ADCY1: variants seen among roughly 807,000 people sequenced by gnomAD.
ADCY1 encodes adenylate cyclase type 1.
In ADCY1, 28 loss-of-function variants were observed where a neutral mutation model predicts 105.4. The ratio of observed to expected loss-of-function variants is 0.27; its 90% confidence interval spans 0.20 to 0.36. The LOEUF (loss-of-function observed/expected upper bound fraction) is 0.36. Ranked by LOEUF, ADCY1 falls within the 10% of genes least tolerant of loss-of-function variation. ADCY1 has a pLI of 1.00. For synonymous variants in ADCY1, 655 were observed against 623.8 expected, an observed-to-expected ratio of 1.05 and a Z score of -0.75; for missense variants, 977 against 1,434.2, an observed-to-expected ratio of 0.68 and a Z score of 5.15.
At chr7:45,692,417 A>G (rs1784801430) in intron 14 of ADCY1, among the ~76,000 whole-genome samples, 1 of 152,142 alleles carries the variant, frequency 6.6e-6, no homozygotes, top group Non-Finnish European at 1.5e-5. Flanking sequence ...AGCCACAGAA[A>G]ATTTCAGTAC....
At chr7:45,678,539 A>G (rs1477636207) in intron 10 of ADCY1, among the ~76,000 whole-genome samples, 2 of 152,002 alleles carry the variant, frequency 1.3e-5, no homozygotes, top group Non-Finnish European at 2.9e-5. Flanking sequence ...CTAAGACACA[A>G]TATATTTTCA....
In ADCY1 at chr7:45,722,649, C is replaced by T. The variant is rs1489241924; in HGVS notation, c.*8654C>T. On this transcript the variant is annotated 3_prime_UTR_variant, in exon 20 of 20. Transcript: ENST00000297323. ...CCCAAAGCCCACTTTTGGATTTTCT[C>T]GACTGTCCGAGAAAAGTTGTGTAAG... 2 of 152,230 alleles carry T rather than the reference C, an allele frequency of 1.3e-5. No individual in the cohort carries two copies. Among genetic ancestry groups the T allele is most frequent in the Non-Finnish European group, 2.9e-5 (2 of 68,032 alleles). The allele number at this position is 152,230 out of a possible 1,614,324, so 9.4% of individuals were successfully genotyped here.
intron 8 of ADCY1, among the ~76,000 whole-genome samples, chr7:45,672,889 C>T (rs1322862894): frequency 6.6e-6 from 1 of 152,100 alleles, no homozygotes; most frequent in African/African-American, 2.4e-5. Flanking sequence ...TTATCCAGAG[C>T]ATAGAAGGAA....
chr7:45,606,709 A>G (rs2115844020), intron 2 of ADCY1, among the ~76,000 whole-genome samples: 1 of 152,350 alleles, frequency 6.6e-6, no homozygotes, highest in Non-Finnish European at 1.5e-5. Flanking sequence ...CACAATTGTC[A>G]CTGAAAATCT....
intron 14 of ADCY1, among the ~76,000 whole-genome samples, chr7:45,687,951 C>T (rs1366882741): frequency 2.0e-5 from 3 of 152,232 alleles, no homozygotes; most frequent in Non-Finnish European, 2.9e-5. Context: ...CAGACAGGCA[C>T]AGCCCAGAGG....
chr7:45,686,545 AG>A lies in ADCY1; in HGVS notation c.2330del. 6.2e-7 allele frequency: 1 copy of A among 1,608,954 alleles called. No homozygotes were observed. ...TGGCTTTTCTTCCTCATCTTCCCCC[AG>A]GGGTGGTGCCGTCTCCGGGCGCAGC... On this transcript the variant is annotated splice_acceptor_variant, in intron 13 of 19. Transcript: ENST00000297323. LOFTEE classifies it high-confidence loss of function. This position sits in a 1 kb window ranked among gnomAD's most constrained non-coding sequence, Gnocchi z 4.3.
intron 1 of ADCY1, among the ~76,000 whole-genome samples, chr7:45,585,453 T>G (rs960782316): frequency 1.2e-4 from 18 of 150,688 alleles, no homozygotes; most frequent in Admixed American, 1.1e-3. Flanking sequence ...TTTTTTTTTT[T>G]TTTTTTTGAG....
chr7:45,673,546 A>G lies in ADCY1; in HGVS notation c.1606-4323A>G, dbSNP rs533012060. Among the ~76,000 whole-genome samples the G allele has an allele frequency of 2.0e-5, 3 of 152,198 alleles. No individual in the cohort carries two copies. The South Asian group carries it at 6.2e-4, about 32-fold the overall frequency. Reference sequence around the variant, plus strand: ...ATAGTTCATTTGATCTAAGTTGTCAAATTTATGTGTGTAGAGTTGTTTATA... The same window carrying G: ...ATAGTTCATTTGATCTAAGTTGTCAGATTTATGTGTGTAGAGTTGTTTATA... On this transcript the variant is annotated intron_variant, in intron 8 of 19. Transcript: ENST00000297323.
At position 45,605,022 on chromosome 7, in the gene ADCY1, C is replaced by T. The variant is rs77761096; in HGVS notation, c.790-5357C>T. On this transcript the variant is annotated intron_variant, in intron 2 of 19. Coordinates refer to ENST00000297323, the MANE Select transcript of ADCY1 (RefSeq NM_021116.4). ...TTAATCAGTCTTTTATGGTTTTTAA[C>T]ATACAAATCCTATACATGTTTTGTT... Among the ~76,000 whole-genome samples, 147 of 152,254 alleles carry T rather than the reference C, an allele frequency of 9.7e-4. 1 individual carries two copies. In the East Asian group the frequency reaches 0.026, roughly 27 times the overall value.
At chr7:45,582,082 A>C (rs1792565980) in intron 1 of ADCY1, among the ~76,000 whole-genome samples, 1 of 152,056 alleles carries the variant, frequency 6.6e-6, no homozygotes. Context: ...ACTCACAAAT[A>C]CATGCATGCT....
At chr7:45,622,798 C>A in intron 4 of ADCY1, 55 bp downstream of exon 4, 2 of 1,406,998 alleles carry the variant, frequency 1.4e-6, no homozygotes, top group East Asian at 2.4e-5. Flanking sequence ...TCTGGAGTGA[C>A]GATAAGCCAG....
chr7:45,580,368 C>T (rs1036700642), intron 1 of ADCY1, among the ~76,000 whole-genome samples: 2 of 152,206 alleles, frequency 1.3e-5, no homozygotes, highest in Non-Finnish European at 2.9e-5. Flanking sequence ...TGGGAGCAGA[C>T]ACAGGGGTGG....
intron 2 of ADCY1, among the ~76,000 whole-genome samples, chr7:45,605,978 G>A (rs1357522614): frequency 6.6e-6 from 1 of 152,166 alleles, no homozygotes; most frequent in African/African-American, 2.4e-5. Context: ...ACATGACTCT[G>A]GTTGGGAAAG....
At chr7:45,633,418 T>C (rs1430256251) in intron 4 of ADCY1, among the ~76,000 whole-genome samples, 1 of 152,200 alleles carries the variant, frequency 6.6e-6, no homozygotes, top group Non-Finnish European at 1.5e-5. Flanking sequence ...CCTAGAAATA[T>C]TGAAAACATT....
chr7:45,693,245 A>T (rs1419130378), intron 14 of ADCY1, among the ~76,000 whole-genome samples: 4 of 151,162 alleles, frequency 2.6e-5, no homozygotes, highest in Admixed American at 6.6e-5. Context: ...CCAGTATTTT[A>T]TTGAGGATTT....
chr7:45,593,543 C>T (rs1000071551), intron 2 of ADCY1, among the ~76,000 whole-genome samples: 3 of 152,162 alleles, frequency 2.0e-5, no homozygotes, highest in Non-Finnish European at 4.4e-5. Flanking sequence ...CTGTCTGCTG[C>T]GCGGGGCCTG....
In ADCY1 at chr7:45,704,426, A is replaced by G. The variant is rs538316465; in HGVS notation, c.2719-92A>G. ...ACATGTTGCTTTCCTGAATGTGTCCATCGGCTCTGCTGTTGCTCCTGGGGG... is the reference window on the plus strand; with the variant it reads ...ACATGTTGCTTTCCTGAATGTGTCCGTCGGCTCTGCTGTTGCTCCTGGGGG... On this transcript the variant is annotated intron_variant, in intron 16 of 19. Coordinates refer to ENST00000297323, the MANE Select transcript of ADCY1 (RefSeq NM_021116.4). 27 of 1,056,008 alleles carry G rather than the reference A, an allele frequency of 2.6e-5. No individual in the cohort carries two copies. In the East Asian group the frequency reaches 5.8e-4, roughly 23 times the overall value. The allele number at this position is 1,056,008 out of a possible 1,614,324, so 65.4% of individuals were successfully genotyped here.
At chr7:45,630,976 C>A (rs1027687651) in intron 4 of ADCY1, among the ~76,000 whole-genome samples, 3 of 151,848 alleles carry the variant, frequency 2.0e-5, no homozygotes, top group African/African-American at 7.3e-5. Flanking sequence ...TCTCCTTATT[C>A]AAAAATAAGA....
chr7:45,687,534 G>A (rs1403327081), intron 14 of ADCY1, among the ~76,000 whole-genome samples: 1 of 152,184 alleles, frequency 6.6e-6, no homozygotes, highest in African/African-American at 2.4e-5. Context: ...TTTGCAAACT[G>A]TTTCACCCTG....
Sources: gnomAD v4.1 joint callset for allele counts (sites outside exome capture counted in the v4.1 genomes callset) on GRCh38, gnomAD v4.1.1 for gene constraint, Gnocchi (gnomAD v3.1) non-coding constraint, MANE v1.5 for transcripts, NCBI Gene and HGNC (gene_info 2026-07-23, HGNC 2026-07-21) for gene names.